SKAP1: variants seen among roughly 807,000 people sequenced by gnomAD.
SKAP1 encodes src kinase associated phosphoprotein 1.
A neutral mutation model predicts 58.5 loss-of-function variants in SKAP1; 44 were observed. The ratio of observed to expected loss-of-function variants is 0.75; its 90% CI spans 0.59 to 0.97. The LOEUF is 0.97. Ranked by LOEUF, SKAP1 falls within the 50% of genes least tolerant of loss-of-function variation. SKAP1 has a pLI of 0.00. For synonymous variants in SKAP1, 127 were observed against 149.7 expected (o/e 0.85, Z 1.11); for missense variants, 390 against 435.2 (o/e 0.90, Z 0.92).
intron 4 of SKAP1, among the ~76,000 whole-genome samples, chr17:48,320,760 T>C (rs1225793281): frequency 1.1e-5 from 1 of 93,984 alleles, no homozygotes; most frequent in Non-Finnish European, 2.5e-5. Context: ...CCTCCACCAA[T>C]TTTTTTTTTT....
At chr17:48,135,354 A>T (rs959200496) in intron 12 of SKAP1, among the ~76,000 whole-genome samples, 2 of 152,166 alleles carry the variant, frequency 1.3e-5, no homozygotes, top group African/African-American at 4.8e-5. Context: ...CCTCCATCAG[A>T]ATCTTAATTC....
At chr17:48,441,821 G>A in the SKAP1 span, among the ~76,000 whole-genome samples, 1 of 152,100 alleles carries the variant, frequency 6.6e-6, no homozygotes, top group Non-Finnish European at 1.5e-5. Flanking sequence ...TAATTTAATT[G>A]TCTTTCCTTT....
chr17:48,239,174 C>T (rs773666190), intron 4 of SKAP1, among the ~76,000 whole-genome samples: 16 of 152,238 alleles, frequency 1.1e-4, no homozygotes, highest in Non-Finnish European at 1.5e-4. Context: ...ATGAATTTAA[C>T]ACAATAACCA....
chr17:48,430,504 G>A (rs2067906507), upstream of SKAP1, among the ~76,000 whole-genome samples: 1 of 152,140 alleles, frequency 6.6e-6, no homozygotes, highest in South Asian at 2.1e-4. Context: ...CCGAACAGTT[G>A]ACCTCACGGT....
intron 4 of SKAP1, among the ~76,000 whole-genome samples, chr17:48,240,442 A>T (rs943783798): frequency 9.2e-5 from 14 of 152,220 alleles, no homozygotes; most frequent in African/African-American, 3.4e-4. Context: ...GCAAAAAAGC[A>T]GTGAAGACAG....
At chr17:48,153,024 GACAC>G (rs10537609) in intron 11 of SKAP1, among the ~76,000 whole-genome samples, 10 of 150,568 alleles carry the variant, frequency 6.6e-5, no homozygotes, top group Non-Finnish European at 1.0e-4. Context: ...TGTGCACATG[GACAC>G]ACACACACAC....
chr17:48,218,286 T>C (rs1201550055), intron 4 of SKAP1, among the ~76,000 whole-genome samples: 1 of 152,140 alleles, frequency 6.6e-6, no homozygotes, highest in Non-Finnish European at 1.5e-5. Context: ...TTCCTCTAGG[T>C]CTCCAGCTTG....
Position 48,345,996 on chromosome 17 carries a change from A to G in SKAP1, c.189T>C (p.Ile63=), listed in dbSNP as rs2066717190. Residue 63 remains isoleucine, a synonymous_variant, in exon 4 of 13, where the codon ATT becomes ATC. Coordinates refer to ENST00000336915, the MANE Select transcript of SKAP1 (RefSeq NM_003726.4). ...GATTATCATCAGAGCTGTCCTGTCCAATGTCTCCCCCTGAGGGACAAAAAA... is the reference window on the plus strand; with the variant it reads ...GATTATCATCAGAGCTGTCCTGTCCGATGTCTCCCCCTGAGGGACAAAAAA... The part of the protein sequence containing the change: ...YWDFQPQGGD[I]GQDSSDDNHS... 1 of 1,605,326 alleles carries G rather than the reference A, an allele frequency of 6.2e-7. No homozygotes were observed.
chr17:48,432,246 T>C (rs1383983391), upstream of SKAP1, among the ~76,000 whole-genome samples: 9 of 152,054 alleles, frequency 5.9e-5, no homozygotes, highest in East Asian at 1.9e-4. Context: ...CTGACCAATA[T>C]AGTGAAACCC....
chr17:48,438,679 C>T, the SKAP1 span, among the ~76,000 whole-genome samples: 2 of 152,136 alleles, frequency 1.3e-5, no homozygotes, highest in Non-Finnish European at 2.9e-5. Context: ...ATCTGGAAGG[C>T]GTGAGATATT....
intron 9 of SKAP1, among the ~76,000 whole-genome samples, chr17:48,172,515 C>G (rs763301516): frequency 6.6e-6 from 1 of 152,160 alleles, no homozygotes; most frequent in Non-Finnish European, 1.5e-5. Flanking sequence ...ACTCGTTATT[C>G]TTTTCACTAC....
intron 4 of SKAP1, among the ~76,000 whole-genome samples, chr17:48,270,227 T>C (rs1382790752): frequency 6.6e-6 from 1 of 152,184 alleles, no homozygotes; most frequent in African/African-American, 2.4e-5. Context: ...AATATCTCAG[T>C]ATTTGTGACT....
At chr17:48,294,559 T>C (rs2065939816) in intron 4 of SKAP1, 1 of 152,162 alleles carries the variant, frequency 6.6e-6, no homozygotes, top group Admixed American at 6.6e-5. Flanking sequence ...CCACAGCTAT[T>C]CAATTCAGGG....
Position 48,241,372 on chromosome 17 carries a change from C to T in SKAP1, c.281-51872G>A, listed in dbSNP as rs145991047. On this transcript the variant is annotated intron_variant, in intron 4 of 12. Coordinates refer to ENST00000336915, the MANE Select transcript of SKAP1 (RefSeq NM_003726.4). ...TGTGCATGTGTGGAGGTGGGTGGTA[C>T]TGAAGGGAAGCAGGGTGTGAAGGTT... Among the ~76,000 whole-genome samples the T allele has an allele frequency of 3.1e-3, 472 of 151,962 alleles. 11 individuals carry two copies. The highest frequency in any genetic ancestry group is 0.019 in the Admixed American group (289 of 15,256).
At chr17:48,401,496 A>G (rs145518351) in intron 1 of SKAP1, among the ~76,000 whole-genome samples, 2 of 152,320 alleles carry the variant, frequency 1.3e-5, no homozygotes, top group Admixed American at 1.3e-4. Context: ...AATTTTTGCA[A>G]GAGGGTCAAG....
chr17:48,293,708 A>C (rs2065927043), intron 4 of SKAP1, among the ~76,000 whole-genome samples: 1 of 152,226 alleles, frequency 6.6e-6, no homozygotes, highest in African/African-American at 2.4e-5. Context: ...TTTTTGTTAA[A>C]ATCATCCCTT....
At chr17:48,174,275 G>A (rs1250945600) in intron 9 of SKAP1, among the ~76,000 whole-genome samples, 1 of 152,212 alleles carries the variant, frequency 6.6e-6, no homozygotes, top group Non-Finnish European at 1.5e-5. Flanking sequence ...GTCCTTCCCA[G>A]GTGGCTGAAA....
chr17:48,184,797 C>A lies in SKAP1; in HGVS notation c.493G>T (p.Ala165Ser), dbSNP rs2064423244. The change falls in exon 7 of 13, where the codon GCC becomes TCC. Residue 165 changes from alanine (A) to serine (S), a missense_variant. Coordinates refer to ENST00000336915, the MANE Select transcript of SKAP1 (RefSeq NM_003726.4). ...FLIKGYGVRM[A>S]PHLRRDSKKE... ...TTGGAATCTCTTCGCAGGTGGGGGG[C>A]CATCCGTACACCGTAGCCCTTAATG... 1 of 1,613,778 alleles carries A rather than the reference C, an allele frequency of 6.2e-7. No individual in the cohort carries two copies. The highest frequency in any genetic ancestry group is 8.5e-7 in the Non-Finnish European group (1 of 1,179,854).
chr17:48,388,694 T>A (rs1193816044), intron 2 of SKAP1, among the ~76,000 whole-genome samples: 2 of 152,234 alleles, frequency 1.3e-5, no homozygotes, highest in African/African-American at 4.8e-5. Context: ...AATATTTGTT[T>A]ACAGTTTTTT....
Sources: allele counts gnomAD v4.1 joint callset (sites outside exome capture counted in the v4.1 genomes callset), GRCh38; gene constraint gnomAD v4.1.1; transcripts MANE v1.5; gene names NCBI Gene and HGNC (gene_info 2026-07-23, HGNC 2026-07-21).